Variants in CAND1 observed in about 807,000 individuals in gnomAD.
CAND1 encodes the protein cullin associated and neddylation dissociated 1.
Under a neutral mutation model 108.5 loss-of-function variants are expected in CAND1, and 7 were observed. The observed-to-expected ratio is 0.06, with a 90% confidence interval of 0.04 to 0.12. The LOEUF (loss-of-function observed/expected upper bound fraction) is 0.12, where lower values mean the gene tolerates loss of function less well. Ranked by LOEUF, CAND1 falls within the 10% of genes least tolerant of loss-of-function variation. The probability of loss-of-function intolerance (pLI) is 1.00; values close to 1 mark genes in which losing one functional copy is unlikely to be tolerated. For missense variants in CAND1, 941 were observed against 1,448.7 expected (o/e 0.65, Z 5.69); for synonymous variants, 534 against 512.0 (o/e 1.04, Z -0.58).
Position 67,269,643 on chromosome 12 carries a change from T to C in CAND1, c.-75T>C, listed in dbSNP as rs1714064719. 2.3e-6 allele frequency: 3 copies of C among 1,315,640 alleles called. No individual in the cohort carries two copies. The highest frequency in any genetic ancestry group is 1.5e-5 in the African/African-American group (1 of 65,570). 81.5% of individuals were successfully genotyped at this position (1,315,640 alleles called of 1,614,324 possible). A position where few individuals can be genotyped will look rare whatever the true frequency, so the allele number is the denominator to read the frequency against. On this transcript the variant is annotated 5_prime_UTR_variant, in exon 1 of 15. Transcript: ENST00000545606. ...CCGCGAGCGAGAGGAGGAGCTCCAG[T>C]GGCGGCGGCGGCGGCGGCAGCGGCA...
In CAND1 at chr12:67,306,231, T is replaced by C. The variant is rs1271984293; in HGVS notation, c.2563T>C (p.Leu855=). 6.2e-7 allele frequency: 1 copy of C among 1,614,122 alleles called. No individual in the cohort carries two copies. The highest frequency in any genetic ancestry group is 8.5e-7 in the Non-Finnish European group (1 of 1,179,986). Residue 855 remains leucine (L), a synonymous_variant, in exon 10 of 15, where the codon TTG becomes CTG. Transcript: ENST00000545606. The part of the protein sequence containing the change: ...VGHHIDLSGQ[L]ELKSVILEAF... Reference sequence around the variant, plus strand: ...GCATCATATTGACTTAAGTGGACAGTTGGAACTAAAATCTGTAATACTAGA... The same window carrying C: ...GCATCATATTGACTTAAGTGGACAGCTGGAACTAAAATCTGTAATACTAGA...
chr12:67,275,301 C>T (rs995895729), intron 1 of CAND1, among the ~76,000 whole-genome samples: 1 of 152,074 alleles, frequency 6.6e-6, no homozygotes, highest in Non-Finnish European at 1.5e-5. Flanking sequence ...CCAAGGCAGG[C>T]AGATCATCTG....
chr12:67,282,161 AGTG>A, intron 2 of CAND1, 108 bp downstream of exon 2: 1 of 1,152,636 alleles, frequency 8.7e-7, no homozygotes, highest in Non-Finnish European at 1.3e-6. Flanking sequence ...ATCTCTTTCT[AGTG>A]TGTGTGTGTA....
Position 67,309,942 on chromosome 12 carries a change from A to G in CAND1, c.3067A>G (p.Arg1023Gly). The G allele has an allele frequency of 6.2e-7, 1 of 1,611,152 alleles. No homozygotes were observed. The highest frequency in any genetic ancestry group is 8.5e-7 in the Non-Finnish European group (1 of 1,178,640). ...TTTGGAAGACCCAGATTTGAATGTGAGAAGAGTAGCCTTGGTCACATTTAA... is the reference window on the plus strand; with the variant it reads ...TTTGGAAGACCCAGATTTGAATGTGGGAAGAGTAGCCTTGGTCACATTTAA... Reference protein sequence around the residue: ...KTLEDPDLNVRRVALVTFNSA... With the variant: ...KTLEDPDLNVGRVALVTFNSA... The change falls in exon 12 of 15, where the codon AGA becomes GGA. Residue 1023 changes from arginine to glycine, a missense_variant. Around this residue, in one of 9 missense-constraint regions of CAND1, gnomAD observed 106 missense variants for 182.0 expected, o/e 0.58. Coordinates refer to ENST00000545606, the MANE Select transcript of CAND1 (RefSeq NM_018448.5).
At chr12:67,287,408 G>A (rs1254521305) in intron 2 of CAND1, among the ~76,000 whole-genome samples, 3 of 152,088 alleles carry the variant, frequency 2.0e-5, no homozygotes, top group African/African-American at 7.2e-5. Context: ...TTAAAATTGT[G>A]TCTGTCGAAG....
At chr12:67,273,882 T>G (rs1183176804) in intron 1 of CAND1, among the ~76,000 whole-genome samples, 1 of 152,200 alleles carries the variant, frequency 6.6e-6, no homozygotes, top group Admixed American at 6.5e-5. Context: ...ATAGTTAATA[T>G]TAATGCTTAC....
chr12:67,275,830 G>A (rs1302411682), intron 1 of CAND1, among the ~76,000 whole-genome samples: 1 of 152,158 alleles, frequency 6.6e-6, no homozygotes, highest in African/African-American at 2.4e-5. Context: ...AGTTCCTTAT[G>A]TTGGTGCCCT....
Position 67,269,641 on chromosome 12 carries a change from A to C in CAND1, c.-77A>C. On this transcript the variant is annotated 5_prime_UTR_variant, in exon 1 of 15. Coordinates refer to ENST00000545606, the MANE Select transcript of CAND1 (RefSeq NM_018448.5). The stretch of plus-strand genomic sequence containing the variant: ...CGCCGCGAGCGAGAGGAGGAGCTCC[A>C]GTGGCGGCGGCGGCGGCGGCAGCGG... The C allele has an allele frequency of 7.8e-7, 1 of 1,279,444 alleles. No homozygotes were observed. Among genetic ancestry groups the C allele is most frequent in the Non-Finnish European group, 1.1e-6 (1 of 899,884 alleles). 79.3% of individuals were successfully genotyped at this position (1,279,444 alleles called of 1,614,324 possible). A position where few individuals can be genotyped will look rare whatever the true frequency, so the allele number is the denominator to read the frequency against.
intron 2 of CAND1, among the ~76,000 whole-genome samples, chr12:67,284,012 A>T (rs2044644801): frequency 1.3e-5 from 2 of 152,216 alleles, no homozygotes; most frequent in Non-Finnish European, 2.9e-5. Context: ...TAGATTATTA[A>T]GCAGCCATAT....
chr12:67,302,439 A>G lies in CAND1; in HGVS notation c.1117A>G (p.Lys373Glu), dbSNP rs759236818. ...GCATGAAATGCTTCCAGAATTCTAC[A>G]AGACCGTCTCTCCTGCACTAATATC... Reference protein sequence around the residue: ...TRHEMLPEFYKTVSPALISRF... With the variant: ...TRHEMLPEFYETVSPALISRF... Residue 373 changes from lysine (K) to glutamate (E), a missense_variant, in exon 8 of 15, where the codon AAG becomes GAG. Physicochemically the swap from Lys to Glu is moderately conservative, Grantham distance 56 (BLOSUM62 1). This residue lies in a region of CAND1 where 697 missense variants were observed against 942.0 expected (regional missense o/e 0.74). Coordinates refer to ENST00000545606, the MANE Select transcript of CAND1 (RefSeq NM_018448.5). The G allele has an allele frequency of 6.2e-7, 1 of 1,614,120 alleles. No individual in the cohort carries two copies. Among genetic ancestry groups the G allele is most frequent in the Non-Finnish European group, 8.5e-7 (1 of 1,179,980 alleles).
Position 67,311,701 on chromosome 12 carries a change from A to G in CAND1, c.3369A>G (p.Thr1123=). 1 of 1,599,106 alleles carries G rather than the reference A, an allele frequency of 6.3e-7. No individual in the cohort carries two copies. Among genetic ancestry groups the G allele is most frequent in the Non-Finnish European group, 8.6e-7 (1 of 1,166,872 alleles). ...TTTTTTATTCCTAATAGATGCTGACATTTTTAATGTTGGTGAGACTGTCTA... is the reference window on the plus strand; with the variant it reads ...TTTTTTATTCCTAATAGATGCTGACGTTTTTAATGTTGGTGAGACTGTCTA... The part of the protein sequence containing the change: ...LKDHYDIKML[T]FLMLVRLSTL... The change falls in exon 14 of 15, where the codon ACA becomes ACG. Residue 1123 remains threonine, a synonymous_variant. Transcript: ENST00000545606.
chr12:67,284,983 A>T (rs2044656814), intron 2 of CAND1, among the ~76,000 whole-genome samples: 1 of 152,226 alleles, frequency 6.6e-6, no homozygotes, highest in African/African-American at 2.4e-5. Context: ...CAAGTCAATT[A>T]AGAAAAATTG....
chr12:67,305,295 A>G lies in CAND1; in HGVS notation c.1627A>G (p.Thr543Ala). The part of the protein sequence containing the change: ...YKITSEALLV[T>A]QQLVKVIRPL... ...AATTACATCTGAAGCACTTCTTGTT[A>G]CTCAACAGCTTGTCAAAGTAATTCG... The change falls in exon 10 of 15, where the codon ACT (threonine) becomes GCT (alanine). Residue 543 changes from threonine (T) to alanine (A), a missense_variant. Coordinates refer to ENST00000545606, the MANE Select transcript of CAND1 (RefSeq NM_018448.5). This position sits in a 1 kb window ranked among gnomAD's most constrained non-coding sequence, Gnocchi z 4.4. The G allele has an allele frequency of 6.2e-7, 1 of 1,614,082 alleles. No individual in the cohort carries two copies. Among genetic ancestry groups the G allele is most frequent in the East Asian group, 2.2e-5 (1 of 44,866 alleles).
chr12:67,283,296 G>A (rs1051395669), intron 2 of CAND1, among the ~76,000 whole-genome samples: 3 of 152,112 alleles, frequency 2.0e-5, no homozygotes, highest in Admixed American at 2.0e-4. Context: ...TTCAAAAAAT[G>A]GTGTTGTATG....
At chr12:67,309,210 A>G (rs1164328398) in intron 11 of CAND1, among the ~76,000 whole-genome samples, 1 of 151,968 alleles carries the variant, frequency 6.6e-6, no homozygotes, top group African/African-American at 2.4e-5. Context: ...TGAACCACCA[A>G]CCATGTGACT....
Position 67,313,090 on chromosome 12 carries a change from AAGTT to A in CAND1, c.*263_*266del. ...CAGCAACATTTGAAATGGAAACTAA[AAGTT>A]AGGATTTTATGGAGTATGGAGATAG... On this transcript the variant is annotated 3_prime_UTR_variant, in exon 15 of 15. Coordinates refer to ENST00000545606, the MANE Select transcript of CAND1 (RefSeq NM_018448.5). 1 of 303,960 alleles carries A rather than the reference AAGTT, an allele frequency of 3.3e-6. No individual in the cohort carries two copies. The highest frequency in any genetic ancestry group is 8.3e-5 in the South Asian group (1 of 12,032). 18.8% of individuals were successfully genotyped at this position (303,960 alleles called of 1,614,324 possible).
chr12:67,275,754 A>G (rs7967952), intron 1 of CAND1, among the ~76,000 whole-genome samples: 2,480 of 152,198 alleles, frequency 0.016, 61 homozygotes, highest in African/African-American at 0.056. Context: ...CAAGGTATCT[A>G]TCGATCTAGT....
chr12:67,290,152 T>C (rs2044709314), intron 2 of CAND1, among the ~76,000 whole-genome samples: 1 of 152,228 alleles, frequency 6.6e-6, no homozygotes, highest in Non-Finnish European at 1.5e-5. Context: ...CTTGTTTTAG[T>C]CTCTGTTCTT....
At chr12:67,310,437 A>G (rs1343911320) in intron 13 of CAND1, 121 bp downstream of exon 13, 2 of 695,182 alleles carry the variant, frequency 2.9e-6, no homozygotes, top group Admixed American at 2.9e-5. Context: ...GATTTTGATA[A>G]GCATATTGTA....
Sources: allele counts gnomAD v4.1 joint callset (sites outside exome capture counted in the v4.1 genomes callset), GRCh38; gene constraint gnomAD v4.1.1; regional missense constraint gnomAD v4.1.1; non-coding constraint Gnocchi (gnomAD v3.1); transcripts MANE v1.5; gene names NCBI Gene and HGNC (gene_info 2026-07-23, HGNC 2026-07-21).